AATF: variants seen among roughly 807,000 people sequenced by gnomAD.
AATF encodes the protein apoptosis antagonizing transcription factor.
A neutral mutation model predicts 63.7 loss-of-function variants in AATF; 48 were observed. That is an observed-to-expected ratio of 0.75 (90% confidence interval 0.60 to 0.96). AATF has a LOEUF of 0.96. AATF is among the 40% of genes least tolerant of loss of function. AATF has a pLI of 0.00. For synonymous variants in AATF, 258 were observed against 247.7 expected (o/e 1.04, Z -0.39); for missense variants, 639 against 685.7 (o/e 0.93, Z 0.76).
chr17:37,040,129 A>G (rs546114031), intron 11 of AATF, among the ~76,000 whole-genome samples: 6 of 152,144 alleles, frequency 3.9e-5, no homozygotes, highest in South Asian at 2.1e-4. Context: ...ATATATTGCA[A>G]TATCTTACAG....
intron 4 of AATF, among the ~76,000 whole-genome samples, chr17:36,963,026 G>A (rs1263209759): frequency 2.0e-5 from 3 of 152,160 alleles, no homozygotes; most frequent in Non-Finnish European, 4.4e-5. Context: ...GGCTGAGGCA[G>A]GAGAATCGCT....
In AATF at chr17:36,990,805, A is replaced by C; in HGVS notation, c.1346A>C (p.His449Pro). The change falls in exon 8 of 12, where the codon CAT (histidine) becomes CCT (proline). Residue 449 changes from histidine (H) to proline (P), a missense_variant. Coordinates refer to ENST00000619387, the MANE Select transcript of AATF (RefSeq NM_012138.4). ...CTTCCTCAAGCCCCTGCTAATGCTC[A>C]TCTGAAGGACTTGGATGAAGAAATC... ...EILPQAPANA[H>P]LKDLDEEIFD... 6.3e-7 allele frequency: 1 copy of C among 1,594,488 alleles called. No homozygotes were observed.
intron 4 of AATF, among the ~76,000 whole-genome samples, chr17:36,982,910 T>C (rs2071138426): frequency 6.6e-6 from 1 of 152,232 alleles, no homozygotes; most frequent in South Asian, 2.1e-4. Flanking sequence ...ATGAATTTAA[T>C]GATTTTAGGT....
chr17:37,022,220 A>G (rs1320810251), intron 10 of AATF, among the ~76,000 whole-genome samples: 2 of 152,166 alleles, frequency 1.3e-5, no homozygotes, highest in Admixed American at 1.3e-4. Flanking sequence ...ACACTGAGAG[A>G]AAATCTTAAA....
chr17:36,952,368 C>G (rs2070862032), intron 2 of AATF, among the ~76,000 whole-genome samples: 1 of 152,180 alleles, frequency 6.6e-6, no homozygotes, highest in African/African-American at 2.4e-5. Flanking sequence ...ATTCTATTTG[C>G]CTTTCCTTAG....
chr17:36,974,325 G>C (rs529782676), intron 4 of AATF, among the ~76,000 whole-genome samples: 1 of 151,986 alleles, frequency 6.6e-6, no homozygotes, highest in Non-Finnish European at 1.5e-5. Context: ...TTGTTCTATA[G>C]CATTATTTTT....
rs143466926 is a variant in AATF, at chr17:37,013,592, G to T, written c.1399-5413G>T. Among the ~76,000 whole-genome samples, 842 of 149,650 alleles carry T rather than the reference G, an allele frequency of 5.6e-3. 13 individuals carry two copies. The highest frequency in any genetic ancestry group is 0.021 in the African/African-American group (810 of 39,386). ...AACAGCCAGCTCCTGGGCTCTAATA[G>T]AGCGGGAACTCACTCCCCACAACCA... On this transcript the variant is annotated intron_variant, in intron 8 of 11. Coordinates refer to ENST00000619387, the MANE Select transcript of AATF (RefSeq NM_012138.4).
Position 37,021,141 on chromosome 17 carries a change from A to G in AATF, c.1547+127A>G, listed in dbSNP as rs190560349. 4,962 of 679,930 alleles carry G rather than the reference A, an allele frequency of 7.3e-3. 33 individuals are homozygous for G. Among genetic ancestry groups the G allele is most frequent in the Non-Finnish European group, 0.01 (4,436 of 434,336 alleles). 42.1% of individuals were successfully genotyped at this position (679,930 alleles called of 1,614,324 possible). A position where few individuals can be genotyped will look rare whatever the true frequency, so the allele number is the denominator to read the frequency against. On this transcript the variant is annotated intron_variant, in intron 10 of 11. Coordinates refer to ENST00000619387, the MANE Select transcript of AATF (RefSeq NM_012138.4). The stretch of plus-strand genomic sequence containing the variant: ...GTTTTTAAGGATCAGAAAAATAAAC[A>G]ATATTTGAAGGTTTATTGCAACTCA...
chr17:37,009,399 C>T (rs1173249769), intron 8 of AATF, among the ~76,000 whole-genome samples: 1 of 151,350 alleles, frequency 6.6e-6, no homozygotes, highest in African/African-American at 2.4e-5. Flanking sequence ...CCCACTTCGG[C>T]CTTCCAAAGT....
intron 4 of AATF, among the ~76,000 whole-genome samples, chr17:36,955,070 G>A (rs1012175450): frequency 1.4e-4 from 21 of 152,112 alleles, no homozygotes; most frequent in African/African-American, 3.9e-4. Context: ...GAGCCTCTGC[G>A]CTCAGCTGAG....
At chr17:36,994,064 G>A (rs1184667553) in intron 8 of AATF, among the ~76,000 whole-genome samples, 1 of 152,154 alleles carries the variant, frequency 6.6e-6, no homozygotes, top group African/African-American at 2.4e-5. Context: ...ATAGAAGATA[G>A]TATCTGATAT....
At chr17:36,954,964 C>T in intron 4 of AATF, among the ~76,000 whole-genome samples, 1 of 151,736 alleles carries the variant, frequency 6.6e-6, no homozygotes, top group East Asian at 1.9e-4. Context: ...TATCTATATC[C>T]ATAGATATAG....
chr17:37,008,779 T>C (rs1037775762), intron 8 of AATF, among the ~76,000 whole-genome samples: 1 of 151,996 alleles, frequency 6.6e-6, no homozygotes, highest in Admixed American at 6.6e-5. Flanking sequence ...GCTCTGGAGG[T>C]CAGGGGCACA....
In AATF at chr17:36,995,819, T is replaced by G. The variant is rs140972143; in HGVS notation, c.1398+4962T>G. Reference sequence around the variant, plus strand: ...CTGGGCTCAAGCAGTTTGCCCACCTTAGCCTCCCAAAGTGCTAAGATTACA... The same window carrying G: ...CTGGGCTCAAGCAGTTTGCCCACCTGAGCCTCCCAAAGTGCTAAGATTACA... On this transcript the variant is annotated intron_variant, in intron 8 of 11. Coordinates refer to ENST00000619387, the MANE Select transcript of AATF (RefSeq NM_012138.4). Among the ~76,000 whole-genome samples the G allele has an allele frequency of 2.8e-4, 42 of 152,182 alleles. No individual in the cohort carries two copies. In the East Asian group the frequency reaches 7.6e-3, roughly 27 times the overall value.
intron 11 of AATF, among the ~76,000 whole-genome samples, chr17:37,053,693 C>T (rs919909703): frequency 1.3e-5 from 2 of 152,162 alleles, no homozygotes; most frequent in African/African-American, 2.4e-5. Flanking sequence ...ATGGTAAAAC[C>T]CCGTCTCTAC....
At chr17:37,010,871 C>T (rs1480663108) in intron 8 of AATF, among the ~76,000 whole-genome samples, 4 of 152,084 alleles carry the variant, frequency 2.6e-5, no homozygotes, top group East Asian at 1.9e-4. Context: ...AGCACAGAGG[C>T]GGAAGGTGGG....
intron 11 of AATF, among the ~76,000 whole-genome samples, chr17:37,046,290 G>GAGACCATT (rs1305193064): frequency 2.6e-5 from 4 of 152,100 alleles, no homozygotes; most frequent in Admixed American, 6.5e-5. Context: ...TCACGCGGAG[G>GAGACCATT]AGACCATTAG....
chr17:37,041,317 T>C (rs1043668055), intron 11 of AATF, among the ~76,000 whole-genome samples: 1 of 152,338 alleles, frequency 6.6e-6, no homozygotes, highest in South Asian at 2.1e-4. Context: ...TCTTTTCAAG[T>C]AGTGCTGCAG....
At chr17:37,003,611 C>T (rs1477316220) in intron 8 of AATF, among the ~76,000 whole-genome samples, 1 of 150,328 alleles carries the variant, frequency 6.7e-6, no homozygotes, top group Non-Finnish European at 1.5e-5. Context: ...GAACTAAAGG[C>T]GTGCACCACC....
Sources: gnomAD v4.1 joint callset for allele counts (sites outside exome capture counted in the v4.1 genomes callset) on GRCh38, gnomAD v4.1.1 for gene constraint, MANE v1.5 for transcripts, NCBI Gene and HGNC (gene_info 2026-07-23, HGNC 2026-07-21) for gene names.